C1GALT1: variants seen among roughly 807,000 people sequenced by gnomAD.
C1GALT1 encodes core 1 synthase, glycoprotein-N-acetylgalactosamine 3-beta-galactosyltransferase 1.
In C1GALT1, 11 loss-of-function variants were observed where a neutral mutation model predicts 31.0. The ratio of observed to expected loss-of-function variants is 0.36; its 90% CI spans 0.22 to 0.59. The LOEUF (loss-of-function observed/expected upper bound fraction) is 0.59. C1GALT1 is among the 20% of genes least tolerant of loss of function. C1GALT1 has a pLI of 0.79. For missense variants in C1GALT1, 424 were observed against 425.2 expected, an observed-to-expected ratio of 1.00 and a Z score of 0.03; for synonymous variants, 175 against 143.6, an observed-to-expected ratio of 1.22 and a Z score of -1.56.
chr7:7,231,880 C>G (rs942636995), intron 1 of C1GALT1, among the ~76,000 whole-genome samples: 1 of 152,106 alleles, frequency 6.6e-6, no homozygotes, highest in East Asian at 1.9e-4. Flanking sequence ...TAGGGCGGAT[C>G]ATCCAGTCAG....
At chr7:7,235,683 C>A (rs1783303620) in intron 2 of C1GALT1, among the ~76,000 whole-genome samples, 1 of 152,152 alleles carries the variant, frequency 6.6e-6, no homozygotes, top group African/African-American at 2.4e-5. Context: ...AAAAGTTTGT[C>A]TACTCCCTTC....
intron 1 of C1GALT1, among the ~76,000 whole-genome samples, chr7:7,197,719 G>C (rs949735505): frequency 6.6e-6 from 1 of 152,050 alleles, no homozygotes; most frequent in East Asian, 1.9e-4. Flanking sequence ...TTATTTTGTT[G>C]AGCAGTGGTT....
rs1783747767 is a variant in C1GALT1 at position 7,243,998 on chromosome 7, G to C, written c.*271G>C. 9.1e-6 allele frequency: 2 copies of C among 220,422 alleles called. No homozygotes were observed. The highest frequency in any genetic ancestry group is 1.1e-4 in the East Asian group (1 of 9,270). 13.7% of individuals were successfully genotyped at this position (220,422 alleles called of 1,614,324 possible). On this transcript the variant is annotated 3_prime_UTR_variant, in exon 4 of 4. Transcript: ENST00000436587. ...GTGGCCAGGTAGAGGAACTAGAAAA[G>C]AGATTTTGTTGCCTGTTTTCTGACC...
intron 1 of C1GALT1, among the ~76,000 whole-genome samples, chr7:7,200,330 G>T (rs1234276399): frequency 6.6e-6 from 1 of 152,190 alleles, no homozygotes; most frequent in African/African-American, 2.4e-5. Flanking sequence ...GAAATTCTGG[G>T]TTAGAAATTC....
At chr7:7,180,911 A>AAT (rs386409453), upstream of C1GALT1, among the ~76,000 whole-genome samples, 10 of 34,232 alleles carry the variant, frequency 2.9e-4, no homozygotes, top group East Asian at 0.017. Flanking sequence ...ATATCTCTTC[A>AAT]AAAAAAAAAA....
At chr7:7,224,879 T>C (rs1297321354) in intron 1 of C1GALT1, among the ~76,000 whole-genome samples, 1 of 150,146 alleles carries the variant, frequency 6.7e-6, no homozygotes, top group East Asian at 1.9e-4. Context: ...GTGTATTAAG[T>C]GTATTTAAGT....
chr7:7,160,906 G>A (rs1780326548), intron 2 of C1GALT1, among the ~76,000 whole-genome samples: 1 of 151,844 alleles, frequency 6.6e-6, no homozygotes, highest in Non-Finnish European at 1.5e-5. Flanking sequence ...CACAAACACA[G>A]TACTAATCAG....
At chr7:7,157,521 C>T (rs967630076) in intron 2 of C1GALT1, 4 of 152,164 alleles carry the variant, frequency 2.6e-5, no homozygotes, top group Admixed American at 1.3e-4. Context: ...ATAACCTTGC[C>T]CTGACTTGAA....
intron 1 of C1GALT1, among the ~76,000 whole-genome samples, chr7:7,225,690 A>G (rs551104956): frequency 6.6e-6 from 1 of 152,364 alleles, no homozygotes; most frequent in Non-Finnish European, 1.5e-5. Flanking sequence ...GAGCAGAGGC[A>G]TGAATATTTA....
At chr7:7,189,728 A>T (rs549037783) in intron 1 of C1GALT1, among the ~76,000 whole-genome samples, 1 of 152,312 alleles carries the variant, frequency 6.6e-6, no homozygotes, top group South Asian at 2.1e-4. Flanking sequence ...TTTAATAGTC[A>T]CAGCTTCTGA....
At chr7:7,167,009 A>G (rs1255306887) in intron 2 of C1GALT1, among the ~76,000 whole-genome samples, 1 of 152,164 alleles carries the variant, frequency 6.6e-6, no homozygotes, top group Non-Finnish European at 1.5e-5. Context: ...AAATTTTATG[A>G]TTTGAATTGA....
At chr7:7,197,876 GCACATTGATT>G (rs1781367586) in intron 1 of C1GALT1, among the ~76,000 whole-genome samples, 1 of 152,132 alleles carries the variant, frequency 6.6e-6, no homozygotes, top group South Asian at 2.1e-4. Flanking sequence ...TGTGATTTTT[GCACATTGATT>G]TTGTATCCTG....
At chr7:7,213,116 G>T (rs575656566) in intron 1 of C1GALT1, among the ~76,000 whole-genome samples, 5 of 152,288 alleles carry the variant, frequency 3.3e-5, no homozygotes, top group South Asian at 4.1e-4. Context: ...CTTGATATTT[G>T]TGAGCATGTC....
intron 1 of C1GALT1, among the ~76,000 whole-genome samples, chr7:7,206,608 G>A (rs563148007): frequency 1.3e-3 from 194 of 151,576 alleles, no homozygotes; most frequent in African/African-American, 4.1e-3. Flanking sequence ...ACCAGGAGGC[G>A]GTGGTTGCAG....
rs954306668 is a variant in C1GALT1 at position 7,244,900 on chromosome 7, A to G, written c.*1173A>G. On this transcript the variant is annotated 3_prime_UTR_variant, in exon 4 of 4. Transcript: ENST00000436587. Reference sequence around the variant, plus strand: ...AGAGTAGATACTTAATTTATAAATAACAGTCTGAAGGTTGGTGCTATTTTG... The same window carrying G: ...AGAGTAGATACTTAATTTATAAATAGCAGTCTGAAGGTTGGTGCTATTTTG... 1.3e-5 allele frequency: 2 copies of G among 152,226 alleles called. No homozygotes were observed. The highest frequency in any genetic ancestry group is 4.8e-5 in the African/African-American group (2 of 41,470). 9.4% of individuals were successfully genotyped at this position (152,226 alleles called of 1,614,324 possible). A position where few individuals can be genotyped will look rare whatever the true frequency, so the allele number is the denominator to read the frequency against.
In C1GALT1 at chr7:7,234,435, CTAA is replaced by C; in HGVS notation, c.118_120del (p.Asn40del). The C allele has an allele frequency of 6.2e-7, 1 of 1,613,778 alleles. No homozygotes were observed. The highest frequency in any genetic ancestry group is 8.5e-7 in the Non-Finnish European group (1 of 1,179,796). On this transcript the variant is annotated inframe_deletion, in exon 2 of 4. Transcript: ENST00000436587. ...TTGGGAGAAAAGGTTGACACCCAGC[CTAA>C]TGTTCTTCATAATGATCCTCATGCA...
chr7:7,227,197 C>T lies in C1GALT1; in HGVS notation c.-17-7106C>T, dbSNP rs532194051. On this transcript the variant is annotated intron_variant, in intron 1 of 3. Transcript: ENST00000436587. ...ATCTAATATGTTAATTCTTTAAAAA[C>T]GAGATGACTAATATAATTCCCATTC... Among the ~76,000 whole-genome samples, 94 of 152,200 alleles carry T rather than the reference C, an allele frequency of 6.2e-4. 2 individuals carry two copies. In the South Asian group the frequency reaches 0.012, roughly 19 times the overall value.
At chr7:7,209,923 G>C (rs1218353468) in intron 1 of C1GALT1, among the ~76,000 whole-genome samples, 1 of 152,150 alleles carries the variant, frequency 6.6e-6, no homozygotes, top group Non-Finnish European at 1.5e-5. Context: ...CAGTCAAAGG[G>C]AGTTGTTCTC....
intron 1 of C1GALT1, among the ~76,000 whole-genome samples, chr7:7,219,045 G>A (rs1235395116): frequency 6.6e-6 from 1 of 151,970 alleles, no homozygotes; most frequent in Non-Finnish European, 1.5e-5. Flanking sequence ...CACCATGTTA[G>A]CCAGGATGGT....
Sources: gnomAD v4.1 joint callset for allele counts (sites outside exome capture counted in the v4.1 genomes callset) on GRCh38, gnomAD v4.1.1 for gene constraint, MANE v1.5 for transcripts, NCBI Gene and HGNC (gene_info 2026-07-23, HGNC 2026-07-21) for gene names.